The following ZDHHC1 variants were observed in gnomAD, a reference collection of about 807,000 sequenced individuals.
ZDHHC1 encodes the protein zDHHC palmitoyltransferase 1.
In ZDHHC1, 45 loss-of-function variants were observed where a neutral mutation model predicts 46.9. The ratio of observed to expected loss-of-function variants is 0.96; its 90% CI spans 0.76 to 1.23. The LOEUF (loss-of-function observed/expected upper bound fraction) is 1.23, where lower values mean the gene tolerates loss of function less well. ZDHHC1 is among the 50% of genes most tolerant of loss of function. The pLI, the probability that ZDHHC1 is intolerant of heterozygous loss-of-function variation, is 0.00. For synonymous variants in ZDHHC1, 291 were observed against 286.0 expected (o/e 1.02, Z -0.18); for missense variants, 649 against 670.8 (o/e 0.97, Z 0.36).
At chr16:67,407,849 G>A (rs988624794) in intron 1 of ZDHHC1, 36 bp from the exon 2 acceptor site, 2 of 764,744 alleles carry the variant, frequency 2.6e-6, no homozygotes, top group South Asian at 1.4e-5. Context: ...AGTAAATGGT[G>A]TGGAATCCTG....
Position 67,399,453 on chromosome 16 carries a change from G to A in ZDHHC1, c.432C>T (p.Ser144=), listed in dbSNP as rs754897622. 1.2e-6 allele frequency: 2 copies of A among 1,609,850 alleles called. No individual in the cohort carries two copies. Among genetic ancestry groups the A allele is most frequent in the Non-Finnish European group, 1.7e-6 (2 of 1,177,660 alleles). Residue 144 remains serine (S), a synonymous_variant, in exon 5 of 12, where the codon AGC becomes AGT. Transcript: ENST00000565726. ...AGGCGCTGCAGTGCTTGGAGCGAGC[G>A]CTCCTGCAGGGAGAGGGGGCACAGC... ...LHCNLCNVDV[S]ARSKHCSACN... is the part of the protein sequence containing the mutation.
chr16:67,404,007 T>C (rs1047882139), intron 3 of ZDHHC1, among the ~76,000 whole-genome samples: 3 of 152,100 alleles, frequency 2.0e-5, no homozygotes, highest in Non-Finnish European at 4.4e-5. Flanking sequence ...AGAGCAGGAA[T>C]GCAGATGGGC....
At chr16:67,407,020 G>T (rs1363945090) in intron 2 of ZDHHC1, among the ~76,000 whole-genome samples, 2 of 152,208 alleles carry the variant, frequency 1.3e-5, no homozygotes. Flanking sequence ...CTCAGCTGGG[G>T]AGGGGCCAGC....
chr16:67,406,109 A>G lies in ZDHHC1; in HGVS notation c.252+91T>C. The G allele has an allele frequency of 6.7e-7, 1 of 1,498,576 alleles. No individual in the cohort carries two copies. Among genetic ancestry groups the G allele is most frequent in the South Asian group, 1.4e-5 (1 of 72,584 alleles). The allele number at this position is 1,498,576 out of a possible 1,614,324, so 92.8% of individuals were successfully genotyped here. Reference sequence around the variant, plus strand: ...TCCACTCTCCTGACTGTGCTCCCCAAGGCTCTCAACCCGGCTTTGGGCCTC... The same window carrying G: ...TCCACTCTCCTGACTGTGCTCCCCAGGGCTCTCAACCCGGCTTTGGGCCTC... On this transcript the variant is annotated intron_variant, in intron 3 of 11. Transcript: ENST00000565726. The surrounding 1 kb of genome is among the most constrained non-coding windows in gnomAD (Gnocchi z 4.1).
Position 67,401,042 on chromosome 16 carries a change from A to G in ZDHHC1, c.343T>C (p.Tyr115His). 6.2e-7 allele frequency: 1 copy of G among 1,614,148 alleles called. No homozygotes were observed. Among genetic ancestry groups the G allele is most frequent in the Non-Finnish European group, 8.5e-7 (1 of 1,180,034 alleles). Reference protein sequence around the residue: ...PADANVRDKSYAGPLPIFNRS... With the variant: ...PADANVRDKSHAGPLPIFNRS... ...TTGAAGATGGGCAGGGGCCCCGCATAGCTCTTGTCCCGCACGTTGGCATCT... is the reference window on the plus strand; with the variant it reads ...TTGAAGATGGGCAGGGGCCCCGCATGGCTCTTGTCCCGCACGTTGGCATCT... The change falls in exon 4 of 12, where the codon TAT becomes CAT. Residue 115 changes from tyrosine to histidine, a missense_variant. Tyr to His is a moderately conservative substitution (Grantham distance 83, BLOSUM62 2). Coordinates refer to ENST00000565726, the MANE Select transcript of ZDHHC1 (RefSeq NM_001323627.2). The surrounding 1 kb of genome is among the most constrained non-coding windows in gnomAD (Gnocchi z 4.6).
At chr16:67,395,789 C>A (rs536869899) in intron 8 of ZDHHC1, 2 of 565,858 alleles carry the variant, frequency 3.5e-6, no homozygotes, top group East Asian at 6.0e-5. Flanking sequence ...ATCTATTCAG[C>A]CTCTGCCTCC....
chr16:67,395,091 C>G (rs745658646), intron 10 of ZDHHC1, 29 bp from the exon 11 acceptor site: 2 of 1,613,290 alleles, frequency 1.2e-6, no homozygotes, highest in South Asian at 2.2e-5. Flanking sequence ...GCCTGAGGGC[C>G]CCACATCGCC....
Position 67,398,010 on chromosome 16 carries a change from G to A in ZDHHC1, c.927+202C>T, listed in dbSNP as rs115817336. 6.4e-3 allele frequency among the ~76,000 whole-genome samples: 975 copies of A among 152,284 alleles called. 8 individuals carry two copies. Among genetic ancestry groups the A allele is most frequent in the African/African-American group, 0.022 (910 of 41,580 alleles). On this transcript the variant is annotated intron_variant, in intron 8 of 11. Transcript: ENST00000565726. ...GCTTGGCGCCTGGGCAGGTGTGTACGTGGGGTCCGGGAAACACAGGGCTCC... is the reference window on the plus strand; with the variant it reads ...GCTTGGCGCCTGGGCAGGTGTGTACATGGGGTCCGGGAAACACAGGGCTCC...
At position 67,416,367 on chromosome 16, in the gene ZDHHC1, A is replaced by AGCTCTGGCTCTG. The variant is rs752688474; in HGVS notation, c.-247_-236dup. 1 of 188,942 alleles carries AGCTCTGGCTCTG rather than the reference A, an allele frequency of 5.3e-6. No homozygotes were observed. The highest frequency in any genetic ancestry group is 1.1e-5 in the Non-Finnish European group (1 of 92,070). 11.7% of individuals were successfully genotyped at this position (188,942 alleles called of 1,614,324 possible). A position where few individuals can be genotyped will look rare whatever the true frequency, so the allele number is the denominator to read the frequency against. On this transcript the variant is annotated 5_prime_UTR_variant, in exon 1 of 12. Transcript: ENST00000565726. ...CGGAGACTGGGCCGGTGAGTCCTCGAGCTCTGGCTCTGGCTCCGGCTCCGG... is the reference window on the plus strand; with the variant it reads ...CGGAGACTGGGCCGGTGAGTCCTCGAGCTCTGGCTCTGGCTCTGGCTCTGGCTCCGGCTCCGG...
At chr16:67,413,681 T>C (rs2040786209) in intron 1 of ZDHHC1, among the ~76,000 whole-genome samples, 1 of 152,190 alleles carries the variant, frequency 6.6e-6, no homozygotes. Context: ...GGCTCATGCC[T>C]GTAATCCCAG....
rs2040391229 is a variant in ZDHHC1, at chr16:67,394,894, C to T, written c.1166-1G>A. 2 of 1,563,272 alleles carry T rather than the reference C, an allele frequency of 1.3e-6. No homozygotes were observed. The highest frequency in any genetic ancestry group is 2.7e-5 in the African/African-American group (2 of 73,646). On this transcript the variant is annotated splice_acceptor_variant, in intron 11 of 11. Coordinates refer to ENST00000565726, the MANE Select transcript of ZDHHC1 (RefSeq NM_001323627.2). LOFTEE classifies it high-confidence loss of function. ...GAGCGGCGGCTGGGGGCCCTAGGCC[C>T]TGCGCAAGGGAAGGGAACATGAGCC... is the stretch of plus-strand genomic sequence containing the variant.
At position 67,406,569 on chromosome 16, in the gene ZDHHC1, T is replaced by C; in HGVS notation, c.10-127A>G. 1 of 1,243,342 alleles carries C rather than the reference T, an allele frequency of 8.0e-7. No homozygotes were observed. Among genetic ancestry groups the C allele is most frequent in the Non-Finnish European group, 1.1e-6 (1 of 929,010 alleles). 77.0% of individuals were successfully genotyped at this position (1,243,342 alleles called of 1,614,324 possible). ...GCGACAGCTACTCTGCTGGGGAAAC[T>C]GGGGTCCTAGCACAATAGAGATGGG... On this transcript the variant is annotated intron_variant, in intron 2 of 11. Coordinates refer to ENST00000565726, the MANE Select transcript of ZDHHC1 (RefSeq NM_001323627.2). This position sits in a 1 kb window ranked among gnomAD's most constrained non-coding sequence, Gnocchi z 4.1.
intron 1 of ZDHHC1, among the ~76,000 whole-genome samples, chr16:67,414,608 A>G (rs1420311607): frequency 6.6e-6 from 1 of 152,214 alleles, no homozygotes; most frequent in African/African-American, 2.4e-5. Flanking sequence ...ATAGAGCTCT[A>G]AGGAAGGTCC....
chr16:67,404,435 C>A, intron 3 of ZDHHC1: 1 of 284,922 alleles, frequency 3.5e-6, no homozygotes, highest in East Asian at 8.3e-5. Context: ...AAGGTGGGTA[C>A]CTGGTACCCA....
Position 67,399,391 on chromosome 16 carries a change from T to A in ZDHHC1, c.494A>T (p.Lys165Met). ...KCVCGFDHHC[K>M]WLNNCVGERN... ...CTCGCCCACACAGTTGTTGAGCCAC[T>A]TGCAGTGGTGGTCGAAACCGCACAC... is the stretch of plus-strand genomic sequence containing the variant. Residue 165 changes from lysine to methionine, a missense_variant, in exon 5 of 12, where the codon AAG becomes ATG. Coordinates refer to ENST00000565726, the MANE Select transcript of ZDHHC1 (RefSeq NM_001323627.2). The A allele has an allele frequency of 6.2e-7, 1 of 1,613,272 alleles. No individual in the cohort carries two copies. Among genetic ancestry groups the A allele is most frequent in the Admixed American group, 1.7e-5 (1 of 60,012 alleles).
chr16:67,408,785 C>T (rs1413118330), intron 1 of ZDHHC1, among the ~76,000 whole-genome samples: 2 of 152,232 alleles, frequency 1.3e-5, no homozygotes, highest in African/African-American at 4.8e-5. Context: ...TATCCCAGCC[C>T]TCACTTTCTT....
chr16:67,400,090 G>T (rs546710414), intron 4 of ZDHHC1, among the ~76,000 whole-genome samples: 1 of 152,238 alleles, frequency 6.6e-6, no homozygotes, highest in Non-Finnish European at 1.5e-5. Context: ...ACAGGGCAGA[G>T]CCCTGCAATG....
chr16:67,399,258 C>G, intron 5 of ZDHHC1, 97 bp downstream of exon 5: 1 of 1,145,998 alleles, frequency 8.7e-7, no homozygotes, highest in Non-Finnish European at 1.3e-6. Flanking sequence ...TCGAAGCATC[C>G]CCATCCCCGC....
chr16:67,400,361 G>C (rs146741608), intron 4 of ZDHHC1, among the ~76,000 whole-genome samples: 21 of 152,312 alleles, frequency 1.4e-4, no homozygotes, highest in African/African-American at 5.1e-4. Context: ...GACCAGCCAA[G>C]GTGGCGGGGC....
Sources: gnomAD v4.1 joint callset for allele counts (sites outside exome capture counted in the v4.1 genomes callset) on GRCh38, gnomAD v4.1.1 for gene constraint, Gnocchi (gnomAD v3.1) non-coding constraint, MANE v1.5 for transcripts, NCBI Gene and HGNC (gene_info 2026-07-23, HGNC 2026-07-21) for gene names.